Variants in WWP2 observed in about 807,000 individuals in gnomAD.
WWP2 encodes NEDD4-like E3 ubiquitin-protein ligase WWP2.
A neutral mutation model predicts 121.0 loss-of-function variants in WWP2; 57 were observed. That is an observed-to-expected ratio of 0.47 (90% CI 0.38 to 0.59). The LOEUF is 0.59. Ranked by LOEUF, WWP2 falls within the 20% of genes least tolerant of loss-of-function variation. The pLI is 0.00. For missense variants in WWP2, 962 were observed against 1,158.9 expected (o/e 0.83, Z 2.47); for synonymous variants, 449 against 441.3 (o/e 1.02, Z -0.22).
At chr16:69,842,815 A>G (rs181855695) in intron 6 of WWP2, among the ~76,000 whole-genome samples, 1 of 152,206 alleles carries the variant, frequency 6.6e-6, no homozygotes, top group East Asian at 1.9e-4. Context: ...GACAGCAGGC[A>G]TGTGCCACCA....
Position 69,925,609 on chromosome 16 carries a change from C to T in WWP2, c.1234+125C>T. ...TTTTCCATCTCTCCCCTCTCCAGCA[C>T]ACTCTCTGGGCATGCCCCACCAGAG... is the stretch of plus-strand genomic sequence containing the variant. On this transcript the variant is annotated intron_variant, in intron 11 of 23. Transcript: ENST00000359154. The surrounding 1 kb of genome is among the most constrained non-coding windows in gnomAD (Gnocchi z 4.0). 5 of 1,303,670 alleles carry T rather than the reference C, an allele frequency of 3.8e-6. No individual in the cohort carries two copies. Among genetic ancestry groups the T allele is most frequent in the Non-Finnish European group, 1.0e-6 (1 of 953,908 alleles). 80.8% of individuals were successfully genotyped at this position (1,303,670 alleles called of 1,614,324 possible). A position where few individuals can be genotyped will look rare whatever the true frequency, so the allele number is the denominator to read the frequency against.
At chr16:69,770,061 C>T (rs139557297) in intron 1 of WWP2, among the ~76,000 whole-genome samples, 7,805 of 152,078 alleles carry the variant, frequency 0.051, 270 homozygotes, top group Middle Eastern at 0.11. Flanking sequence ...GGGATTTCGC[C>T]GTGTTGGCCA....
rs1049668443 is a variant in WWP2 at position 69,936,056 on chromosome 16, A to C, written c.1976+70A>C. On this transcript the variant is annotated intron_variant, in intron 18 of 23. Coordinates refer to ENST00000359154, the MANE Select transcript of WWP2 (RefSeq NM_001270454.2). ...GTCTCTGGGTGGGAAGCAGGTACTG[A>C]TGGCCTTTATTTTGTCTGCCAGTGT... The C allele has an allele frequency of 2.5e-6, 4 of 1,578,984 alleles. No homozygotes were observed. The African/African-American group carries it at 5.4e-5, about 21-fold the overall frequency.
intron 4 of WWP2, among the ~76,000 whole-genome samples, chr16:69,822,111 T>C (rs904908242): frequency 6.6e-6 from 1 of 152,046 alleles, no homozygotes. Flanking sequence ...AAGCGATCCT[T>C]CCACCTCAGC....
chr16:69,789,340 C>T (rs1220073868), intron 2 of WWP2, among the ~76,000 whole-genome samples: 12 of 152,182 alleles, frequency 7.9e-5, no homozygotes, highest in Admixed American at 7.9e-4. Flanking sequence ...AGCAATTCTT[C>T]TGCCTCAGCC....
intron 4 of WWP2, among the ~76,000 whole-genome samples, chr16:69,828,795 C>T (rs1271530832): frequency 6.6e-6 from 1 of 152,166 alleles, no homozygotes; most frequent in Non-Finnish European, 1.5e-5. Context: ...TGGGAGTTTC[C>T]TATTATTCCA....
chr16:69,912,502 A>G (rs542905541), intron 9 of WWP2, among the ~76,000 whole-genome samples: 2 of 152,122 alleles, frequency 1.3e-5, no homozygotes, highest in African/African-American at 4.8e-5. Context: ...GCCAGGATGA[A>G]CTCAGAAACA....
Position 69,925,118 on chromosome 16 carries a change from G to C in WWP2, c.1180-312G>C, listed in dbSNP as rs1251474268. ...CTTCCCGGGCCTTCCTACCATGCCA[G>C]GGCTGCTCCCTGCCTCCGCCACCCT... On this transcript the variant is annotated intron_variant, in intron 10 of 23. Transcript: ENST00000359154. The surrounding 1 kb of genome is among the most constrained non-coding windows in gnomAD (Gnocchi z 4.0). The C allele has an allele frequency of 8.8e-7, 1 of 1,134,472 alleles. No individual in the cohort carries two copies. The highest frequency in any genetic ancestry group is 1.6e-5 in the African/African-American group (1 of 62,038). 70.3% of individuals were successfully genotyped at this position (1,134,472 alleles called of 1,614,324 possible). A position where few individuals can be genotyped will look rare whatever the true frequency, so the allele number is the denominator to read the frequency against.
At chr16:69,774,886 C>A (rs1200857059) in intron 1 of WWP2, 1 of 150,502 alleles carries the variant, frequency 6.6e-6, no homozygotes. Context: ...ATGAGAATCA[C>A]TTGAATCTGG....
rs559144495 is a variant in WWP2, at chr16:69,867,621, C to T, written c.576-4183C>T. ...TCTGTGTCAGAACCACTTTGGGGAGCGTGGGTCCTGGTCGTGGCTGGCCTG... is the reference window on the plus strand; with the variant it reads ...TCTGTGTCAGAACCACTTTGGGGAGTGTGGGTCCTGGTCGTGGCTGGCCTG... On this transcript the variant is annotated intron_variant, in intron 6 of 23. Coordinates refer to ENST00000359154, the MANE Select transcript of WWP2 (RefSeq NM_001270454.2). 3.3e-5 allele frequency among the ~76,000 whole-genome samples: 5 copies of T among 152,264 alleles called. No homozygotes were observed. In the South Asian group the frequency reaches 8.3e-4, roughly 25 times the overall value.
rs1257119531 is a variant in WWP2 at position 69,807,506 on chromosome 16, C to G, written c.340+8211C>G. ...TGGTGGTGTGTGCCTCTGGTCCCAG[C>G]TACTCGGGAGGCTGAGTCGGGAGGA... On this transcript the variant is annotated intron_variant, in intron 4 of 23. Transcript: ENST00000359154. Among the ~76,000 whole-genome samples the G allele has an allele frequency of 4.0e-5, 6 of 150,658 alleles. No individual in the cohort carries two copies. In the South Asian group the frequency reaches 1.3e-3, roughly 31 times the overall value.
intron 9 of WWP2, chr16:69,909,094 G>A: frequency 7.8e-7 from 1 of 1,277,184 alleles, no homozygotes; most frequent in Non-Finnish European, 9.9e-7. Context: ...GAGTGTTGAT[G>A]CATTCCGCCG....
chr16:69,811,331 G>A (rs146657296), intron 4 of WWP2, among the ~76,000 whole-genome samples: 28 of 152,202 alleles, frequency 1.8e-4, no homozygotes, highest in African/African-American at 6.7e-4. Flanking sequence ...TTCAGGCTAG[G>A]TGTGGTGGCT....
intron 4 of WWP2, among the ~76,000 whole-genome samples, chr16:69,819,360 G>C (rs1454643975): frequency 1.3e-5 from 2 of 152,184 alleles, no homozygotes; most frequent in Non-Finnish European, 1.5e-5. Flanking sequence ...CTTTATGTGT[G>C]TCTGCTACTC....
intron 10 of WWP2, among the ~76,000 whole-genome samples, chr16:69,924,182 G>T (rs1321533227): frequency 6.6e-6 from 1 of 152,206 alleles, no homozygotes; most frequent in Non-Finnish European, 1.5e-5. Context: ...GGCCTGTGTT[G>T]CCACCTTGGA....
At chr16:69,930,323 T>C in intron 13 of WWP2, 65 bp downstream of exon 13, 1 of 1,589,948 alleles carries the variant, frequency 6.3e-7, no homozygotes, top group Non-Finnish European at 8.6e-7. Flanking sequence ...TTGTTCTGGC[T>C]CTGGGAGGCC....
At chr16:69,887,077 A>G (rs1426549351) in intron 7 of WWP2, among the ~76,000 whole-genome samples, 11 of 152,194 alleles carry the variant, frequency 7.2e-5, no homozygotes, top group East Asian at 1.9e-4. Flanking sequence ...GGATATTGCA[A>G]TGCACCTTGG....
Position 69,799,171 on chromosome 16 carries a change from C to T in WWP2, c.219-3C>T. On this transcript the variant is annotated splice_region_variant and splice_polypyrimidine_tract_variant and intron_variant, in intron 3 of 23. Coordinates refer to ENST00000359154, the MANE Select transcript of WWP2 (RefSeq NM_001270454.2). The surrounding 1 kb of genome is among the most constrained non-coding windows in gnomAD (Gnocchi z 4.5). ...TGTAATGAATCAGGTATTTGTTTTT[C>T]AGGAATGTCACGGCACAGAGTCATT... 1 of 1,608,232 alleles carries T rather than the reference C, an allele frequency of 6.2e-7. No homozygotes were observed. Among genetic ancestry groups the T allele is most frequent in the Non-Finnish European group, 8.5e-7 (1 of 1,178,116 alleles).
At chr16:69,780,178 CACA>C (rs1223599315) in intron 1 of WWP2, among the ~76,000 whole-genome samples, 2 of 151,772 alleles carry the variant, frequency 1.3e-5, no homozygotes, top group African/African-American at 2.4e-5. Context: ...TTTGTGTGTC[CACA>C]ACAACAACGT....
Sources: gnomAD v4.1 joint callset for allele counts (sites outside exome capture counted in the v4.1 genomes callset) on GRCh38, gnomAD v4.1.1 for gene constraint, Gnocchi (gnomAD v3.1) non-coding constraint, MANE v1.5 for transcripts, NCBI Gene and HGNC (gene_info 2026-07-23, HGNC 2026-07-21) for gene names.